The following RNF216 variants were observed in gnomAD, a reference collection of about 807,000 sequenced individuals.
RNF216 encodes the protein ring finger protein 216, also known as E3 ubiquitin-protein ligase RNF216.
Under a neutral mutation model 110.8 loss-of-function variants are expected in RNF216, and 72 were observed. The observed-to-expected ratio is 0.65, with a 90% CI of 0.54 to 0.79. The LOEUF (loss-of-function observed/expected upper bound fraction) is 0.79, where lower values mean the gene tolerates loss of function less well. Among genes scored for constraint, RNF216 ranks in the 30% least tolerant of loss-of-function variants. RNF216 has a pLI of 0.00. For synonymous variants in RNF216, 495 were observed against 407.5 expected (o/e 1.21, Z -2.59); for missense variants, 1,342 against 1,141.2 (o/e 1.18, Z -2.54).
At chr7:5,651,254 C>T (rs1446821310) in intron 14 of RNF216, among the ~76,000 whole-genome samples, 5 of 151,354 alleles carry the variant, frequency 3.3e-5, no homozygotes, top group East Asian at 3.9e-4. Flanking sequence ...GTTGGAGTCT[C>T]GCTCTGTCGC....
At chr7:5,712,675 G>A (rs749833511) in intron 12 of RNF216, 40 bp downstream of exon 12, 5 of 1,610,166 alleles carry the variant, frequency 3.1e-6, no homozygotes, top group East Asian at 2.2e-5. Context: ...TTCACAATGG[G>A]GAAGAGTTGG....
intron 13 of RNF216, among the ~76,000 whole-genome samples, chr7:5,656,204 G>C (rs1304779312): frequency 2.0e-5 from 3 of 152,198 alleles, no homozygotes; most frequent in African/African-American, 7.2e-5. Flanking sequence ...AGGAGGTGGA[G>C]GTTGCATTGA....
intron 13 of RNF216, among the ~76,000 whole-genome samples, chr7:5,670,181 G>A (rs937481089): frequency 2.0e-5 from 3 of 152,138 alleles, no homozygotes; most frequent in South Asian, 2.1e-4. Flanking sequence ...TGAGGCACCC[G>A]CCTCGGCCTC....
intron 1 of RNF216, among the ~76,000 whole-genome samples, chr7:5,775,911 G>C (rs1400833892): frequency 1.3e-5 from 2 of 151,848 alleles, no homozygotes; most frequent in African/African-American, 4.8e-5. Flanking sequence ...CTAGGCACAG[G>C]CTGGAAGAAG....
intron 14 of RNF216, among the ~76,000 whole-genome samples, chr7:5,646,461 A>G (rs988706565): frequency 2.0e-5 from 3 of 152,148 alleles, no homozygotes; most frequent in Non-Finnish European, 2.9e-5. Flanking sequence ...TGGGAGGCAG[A>G]GGCGGGCAGA....
intron 5 of RNF216, among the ~76,000 whole-genome samples, chr7:5,733,628 C>T (rs1430542917): frequency 6.8e-6 from 1 of 148,136 alleles, no homozygotes; most frequent in Non-Finnish European, 1.5e-5. Context: ...AATGAACAAA[C>T]CTGTATTACA....
intron 13 of RNF216, among the ~76,000 whole-genome samples, chr7:5,694,951 T>C (rs529279572): frequency 6.6e-6 from 1 of 152,346 alleles, no homozygotes; most frequent in South Asian, 2.1e-4. Context: ...CCTGGTTAAC[T>C]GACATACAAA....
intron 1 of RNF216, among the ~76,000 whole-genome samples, chr7:5,764,210 T>TAA (rs79117988): frequency 1.3e-4 from 15 of 115,682 alleles, no homozygotes; most frequent in Middle Eastern, 4.0e-3. Flanking sequence ...ATAAACTAAT[T>TAA]AAAAAAAAAA....
intron 14 of RNF216, among the ~76,000 whole-genome samples, chr7:5,643,332 C>T (rs1787855615): frequency 6.6e-6 from 1 of 151,242 alleles, no homozygotes. Flanking sequence ...GGGGAAAAAT[C>T]ATGGTTGATT....
intron 1 of RNF216, chr7:5,777,695 T>C (rs1336648487): frequency 1.3e-5 from 2 of 152,236 alleles, no homozygotes; most frequent in Non-Finnish European, 2.9e-5. Context: ...TTAACTTTAA[T>C]ATGTGGACAA....
chr7:5,757,943 C>T (rs1198615509), intron 2 of RNF216, among the ~76,000 whole-genome samples: 1 of 152,080 alleles, frequency 6.6e-6, no homozygotes, highest in Non-Finnish European at 1.5e-5. Context: ...TCACTTGAGC[C>T]CAGCAGTTCA....
chr7:5,748,450 G>C (rs1298459974), intron 3 of RNF216, among the ~76,000 whole-genome samples: 3 of 152,140 alleles, frequency 2.0e-5, no homozygotes, highest in African/African-American at 7.2e-5. Flanking sequence ...AGTAGAGACG[G>C]GGTTTCACCA....
intron 13 of RNF216, among the ~76,000 whole-genome samples, chr7:5,668,757 G>A (rs1044929956): frequency 6.6e-5 from 10 of 152,194 alleles, no homozygotes; most frequent in Non-Finnish European, 1.2e-4. Flanking sequence ...GGAAGTAGCC[G>A]GGGTCTGCTG....
At chr7:5,709,077 G>T (rs1562414456) in intron 13 of RNF216, among the ~76,000 whole-genome samples, 1 of 152,128 alleles carries the variant, frequency 6.6e-6, no homozygotes, top group South Asian at 2.1e-4. Context: ...AACCTAGAAT[G>T]CTGGACTCAT....
chr7:5,775,905 G>A (rs1169407441), intron 1 of RNF216, among the ~76,000 whole-genome samples: 1 of 151,880 alleles, frequency 6.6e-6, no homozygotes, highest in South Asian at 2.1e-4. Context: ...GCAGAGCTAG[G>A]CACAGGCTGG....
At chr7:5,737,974 G>A (rs1210450323) in intron 5 of RNF216, among the ~76,000 whole-genome samples, 1 of 151,366 alleles carries the variant, frequency 6.6e-6, no homozygotes, top group Non-Finnish European at 1.5e-5. Flanking sequence ...TGTAATGCCA[G>A]CTACTCAGGA....
chr7:5,689,696 T>C (rs1007668570), intron 13 of RNF216, among the ~76,000 whole-genome samples: 2 of 152,164 alleles, frequency 1.3e-5, no homozygotes, highest in African/African-American at 4.8e-5. Context: ...CTCACGCCTG[T>C]AATCCTAGCA....
intron 5 of RNF216, among the ~76,000 whole-genome samples, chr7:5,731,510 G>A (rs1794088424): frequency 6.6e-6 from 1 of 151,346 alleles, no homozygotes; most frequent in African/African-American, 2.5e-5. Context: ...ACACACTGAT[G>A]TATCACCACC....
Position 5,760,950 on chromosome 7 carries a change from T to C in RNF216, c.67+53A>G. The C allele has an allele frequency of 2.2e-6, 3 of 1,339,486 alleles. No homozygotes were observed. In the South Asian group the frequency reaches 3.8e-5, roughly 17 times the overall value. 83.0% of individuals were successfully genotyped at this position (1,339,486 alleles called of 1,614,324 possible). A position where few individuals can be genotyped will look rare whatever the true frequency, so the allele number is the denominator to read the frequency against. On this transcript the variant is annotated intron_variant, in intron 2 of 16. Transcript: ENST00000389902. ...TTCATTTCAAAAGATACAGCTGTGA[T>C]ACTAAAAGAAAAAGCCACAGGGAAA...
Sources: allele counts gnomAD v4.1 joint callset (sites outside exome capture counted in the v4.1 genomes callset), GRCh38; gene constraint gnomAD v4.1.1; transcripts MANE v1.5; gene names NCBI Gene and HGNC (gene_info 2026-07-23, HGNC 2026-07-21).